The following LINGO2 variants were observed in gnomAD, a reference collection of about 807,000 sequenced individuals.
LINGO2 encodes the protein leucine-rich repeat and immunoglobulin-like domain-containing nogo receptor-interacting protein 2.
LINGO2 carries 14 observed loss-of-function variants against 30.6 expected under a neutral mutation model. The observed-to-expected ratio is 0.46, with a 90% CI of 0.30 to 0.72. LINGO2 has a LOEUF of 0.72. LINGO2 is among the 30% of genes least tolerant of loss of function. The pLI is 0.07. For synonymous variants in LINGO2, 317 were observed against 288.5 expected (o/e 1.10, Z -1.00); for missense variants, 729 against 751.7 (o/e 0.97, Z 0.35).
chr9:28,930,048 G>C, the LINGO2 span, among the ~76,000 whole-genome samples: 90 of 152,220 alleles, frequency 5.9e-4, no homozygotes, highest in Non-Finnish European at 1.0e-3. This position sits in a 1 kb window ranked among gnomAD's most constrained non-coding sequence, Gnocchi z 4.2. Flanking sequence ...TCACTTCTTT[G>C]CATCAACTTC....
At chr9:28,480,829 A>T (rs751747665) in intron 1 of LINGO2, among the ~76,000 whole-genome samples, 45 of 152,052 alleles carry the variant, frequency 3.0e-4, no homozygotes, top group Non-Finnish European at 5.4e-4. Context: ...AACTTTATAG[A>T]GGGTTAATTG....
At position 28,599,358 on chromosome 9, in the gene LINGO2, T is replaced by C. The variant is rs144948857; in HGVS notation, c.-365+70842A>G. 4.6e-3 allele frequency: 708 copies of C among 152,294 alleles called. 5 individuals are homozygous for C. The highest frequency in any genetic ancestry group is 0.015 in the African/African-American group (638 of 41,570). The allele number at this position is 152,294 out of a possible 1,614,324, so 9.4% of individuals were successfully genotyped here. ...CTGTATGTAATACTGAACAATATTA[T>C]TGTAAGCTGCACAAAAACATACCCA... is the stretch of plus-strand genomic sequence containing the variant. On this transcript the variant is annotated intron_variant, in intron 1 of 5. Transcript: ENST00000379992.
At chr9:28,125,746 T>G (rs1827218608) in intron 4 of LINGO2, among the ~76,000 whole-genome samples, 1 of 152,166 alleles carries the variant, frequency 6.6e-6, no homozygotes, top group Admixed American at 6.5e-5. Context: ...AAGGGTGAGC[T>G]GAGCCCATGA....
chr9:28,309,025 A>C (rs200060792), intron 3 of LINGO2, among the ~76,000 whole-genome samples: 3 of 151,954 alleles, frequency 2.0e-5, no homozygotes, highest in African/African-American at 7.2e-5. Context: ...TCAGTGTGGC[A>C]ATTCCTCAGG....
the LINGO2 span, among the ~76,000 whole-genome samples, chr9:29,179,372 A>G: frequency 6.6e-6 from 1 of 151,544 alleles, no homozygotes; most frequent in East Asian, 1.9e-4. Context: ...GACTCTAAGG[A>G]ATACATAGAA....
intron 3 of LINGO2, among the ~76,000 whole-genome samples, chr9:28,310,669 A>G (rs1824578436): frequency 1.3e-5 from 2 of 152,180 alleles, no homozygotes; most frequent in Non-Finnish European, 2.9e-5. Flanking sequence ...TCATGGGTAT[A>G]TTCATGTGTC....
intron 4 of LINGO2, among the ~76,000 whole-genome samples, chr9:28,105,202 A>G (rs1826549489): frequency 6.6e-6 from 1 of 152,160 alleles, no homozygotes; most frequent in African/African-American, 2.4e-5. Flanking sequence ...ACTGTTCTGA[A>G]ACACCAGGGG....
intron 1 of LINGO2, among the ~76,000 whole-genome samples, chr9:28,533,270 T>C (rs1228421071): frequency 6.6e-6 from 1 of 152,108 alleles, no homozygotes; most frequent in Non-Finnish European, 1.5e-5. Flanking sequence ...GTAGTTTGCC[T>C]GGGGCTTTTG....
the LINGO2 span, among the ~76,000 whole-genome samples, chr9:28,984,410 T>G: frequency 6.6e-6 from 1 of 152,098 alleles, no homozygotes; most frequent in Admixed American, 6.6e-5. Flanking sequence ...AATCTACTGT[T>G]TTAATTTTAT....
the LINGO2 span, among the ~76,000 whole-genome samples, chr9:28,941,208 A>G: frequency 6.6e-6 from 1 of 152,088 alleles, no homozygotes; most frequent in Non-Finnish European, 1.5e-5. Context: ...AAACTTAGAG[A>G]CTCTGACCAG....
At chr9:29,057,385 T>TA in the LINGO2 span, among the ~76,000 whole-genome samples, 2 of 152,088 alleles carry the variant, frequency 1.3e-5, no homozygotes, top group African/African-American at 4.8e-5. Flanking sequence ...TGTCAATAAA[T>TA]AAAAAAATAG....
intron 4 of LINGO2, among the ~76,000 whole-genome samples, chr9:28,119,539 A>C (rs898451607): frequency 6.6e-6 from 1 of 152,228 alleles, no homozygotes; most frequent in African/African-American, 2.4e-5. Context: ...TCAGGCATCT[A>C]AGTAAAGCTT....
the LINGO2 span, among the ~76,000 whole-genome samples, chr9:28,783,196 T>C: frequency 1.3e-5 from 2 of 152,122 alleles, no homozygotes; most frequent in African/African-American, 4.8e-5. Flanking sequence ...CCTAAAGAAA[T>C]GAATATACAG....
chr9:28,129,365 ACT>A lies in LINGO2; in HGVS notation c.-86-116962_-86-116961del, dbSNP rs1827322955. On this transcript the variant is annotated intron_variant, in intron 4 of 5. Transcript: ENST00000379992. This position sits in a 1 kb window ranked among gnomAD's most constrained non-coding sequence, Gnocchi z 4.0. ...TTCTTGTTTTGTTGTGTAACTGTGTACTTCCATAGCTCCTGAGAAGCTGAGGC... is the reference window on the plus strand; with the variant it reads ...TTCTTGTTTTGTTGTGTAACTGTGTATCCATAGCTCCTGAGAAGCTGAGGC... Among the ~76,000 whole-genome samples the A allele has an allele frequency of 6.6e-6, 1 of 152,168 alleles. No homozygotes were observed. The highest frequency in any genetic ancestry group is 1.5e-5 in the Non-Finnish European group (1 of 68,040).
chr9:28,287,238 T>C (rs1047913218), intron 4 of LINGO2, among the ~76,000 whole-genome samples: 41 of 152,246 alleles, frequency 2.7e-4, no homozygotes, highest in Admixed American at 2.2e-3. Flanking sequence ...TCTGATGTAC[T>C]ACTACGGAGC....
chr9:28,655,880 G>A (rs192961198), intron 1 of LINGO2, among the ~76,000 whole-genome samples: 21 of 152,172 alleles, frequency 1.4e-4, no homozygotes, highest in East Asian at 1.4e-3. Context: ...AAATTACTCA[G>A]TCCCAGGTAT....
chr9:28,085,913 G>A (rs1246218335), intron 4 of LINGO2, among the ~76,000 whole-genome samples: 1 of 152,030 alleles, frequency 6.6e-6, no homozygotes, highest in Non-Finnish European at 1.5e-5. Context: ...TCTATGTACT[G>A]ACATGAAATC....
At chr9:28,158,733 C>T (rs1195629611) in intron 4 of LINGO2, among the ~76,000 whole-genome samples, 2 of 152,122 alleles carry the variant, frequency 1.3e-5, no homozygotes, top group Non-Finnish European at 1.5e-5. Context: ...TTAGTGCTCC[C>T]CTGCATGGGT....
intron 2 of LINGO2, among the ~76,000 whole-genome samples, chr9:28,427,741 G>GT (rs1173316026): frequency 6.6e-6 from 1 of 152,020 alleles, no homozygotes; most frequent in Non-Finnish European, 1.5e-5. Flanking sequence ...CGTTCCAAAG[G>GT]TATTCCTTTG....
Sources: allele counts gnomAD v4.1 joint callset (sites outside exome capture counted in the v4.1 genomes callset), GRCh38; gene constraint gnomAD v4.1.1; non-coding constraint Gnocchi (gnomAD v3.1); transcripts MANE v1.5; gene names NCBI Gene and HGNC (gene_info 2026-07-23, HGNC 2026-07-21).